The following ZNF275 variants were observed in gnomAD, a reference collection of about 807,000 sequenced individuals.
ZNF275 encodes the protein zinc finger protein 275.
ZNF275 carries 4 observed loss-of-function variants against 4.3 expected under a neutral mutation model. The observed-to-expected ratio is 0.93, with a 90% CI of 0.46 to 2.13. ZNF275 has a LOEUF of 2.13. Among genes scored for constraint, ZNF275 ranks in the 30% most tolerant of loss-of-function variants. ZNF275 has a pLI of 0.02. For synonymous variants in ZNF275, 173 were observed against 166.9 expected (o/e 1.04, Z -0.28); for missense variants, 352 against 397.1 (o/e 0.89, Z 0.97).
rs2088529532 is a variant in ZNF275, at chrX:153,347,756, C to T, written c.1071C>T (p.Ala357=). ...ACGCATGCGGCGAGTGTGGCAAGGC[C>T]TTCCGTGGGCCCTCTGACCTCATCA... ...RPYACGECGK[A]FRGPSDLIKH... Residue 357 remains alanine (A), a synonymous_variant, in exon 4 of 4, where the codon GCC becomes GCT. Coordinates refer to ENST00000650114, the MANE Select transcript of ZNF275 (RefSeq NM_001367757.1). The T allele has an allele frequency of 8.3e-7, 1 of 1,208,784 alleles. No homozygotes were observed. The highest frequency in any genetic ancestry group is 1.7e-5 in the African/African-American group (1 of 57,941).
intron 2 of ZNF275, among the ~76,000 whole-genome samples, chrX:153,341,594 A>G (rs1197745428): frequency 1.8e-5 from 2 of 112,052 alleles, no homozygotes; most frequent in Non-Finnish European, 3.8e-5. Context: ...CTTCAACCCG[A>G]AAGATTTCCT....
chrX:153,347,146 C>T lies in ZNF275; in HGVS notation c.461C>T (p.Ala154Val), dbSNP rs368798771. The T allele has an allele frequency of 1.9e-5, 23 of 1,207,825 alleles. No individual in the cohort carries two copies. Among genetic ancestry groups the T allele is most frequent in the Non-Finnish European group, 2.3e-5 (21 of 894,139 alleles). The stretch of plus-strand genomic sequence containing the variant: ...GAGCACAGGAAAAGCCACGTAGCTG[C>T]GGAGCCCCAGCCCGGCCCCAGTAGG... ...FNEHRKSHVAAEPQPGPSRAL... is the reference protein window; with the variant it reads ...FNEHRKSHVAVEPQPGPSRAL... The change falls in exon 4 of 4, where the codon GCG becomes GTG. Residue 154 changes from alanine (A) to valine (V), a missense_variant. Coordinates refer to ENST00000650114, the MANE Select transcript of ZNF275 (RefSeq NM_001367757.1).
Position 153,345,514 on chromosome X carries a change from G to A in ZNF275, c.32-6G>A. On this transcript the variant is annotated splice_region_variant and splice_polypyrimidine_tract_variant and intron_variant, in intron 2 of 3. Transcript: ENST00000650114. ...TGCCATAACCAATCTCCTTTCCCAT[G>A]AGCAGGCGTTCCTGTTTTAAATCCT... 1.1e-5 allele frequency: 13 copies of A among 1,200,641 alleles called. No individual in the cohort carries two copies. Among genetic ancestry groups the A allele is most frequent in the Non-Finnish European group, 1.5e-5 (13 of 885,621 alleles).
chrX:153,342,470 G>T (rs782160044), intron 2 of ZNF275, among the ~76,000 whole-genome samples: 95 of 112,176 alleles, frequency 8.5e-4, no homozygotes, highest in African/African-American at 2.9e-3. Flanking sequence ...CTGATTGGAT[G>T]TTGGGTATTA....
chrX:153,338,085 G>A (rs373454976), intron 2 of ZNF275, among the ~76,000 whole-genome samples: 19 of 111,420 alleles, frequency 1.7e-4, no homozygotes, highest in African/African-American at 4.6e-4. Flanking sequence ...GGACACCTGC[G>A]TTTGTCACTT....
chrX:153,348,134 C>T lies in ZNF275; in HGVS notation c.*159C>T, dbSNP rs1338405723. The T allele has an allele frequency of 9.3e-6, 4 of 431,318 alleles. No individual in the cohort carries two copies. The highest frequency in any genetic ancestry group is 1.4e-5 in the Non-Finnish European group (4 of 286,413). The allele number at this position is 431,318 out of a possible 1,213,427, so 35.5% of individuals were successfully genotyped here. The stretch of plus-strand genomic sequence containing the variant: ...CAATTTATAAGTGTTACGTTATGCC[C>T]ATCAAGAGTAGCTTGTACCATTTAA... On this transcript the variant is annotated 3_prime_UTR_variant, in exon 4 of 4. Transcript: ENST00000650114.
chrX:153,346,424 A>G (rs1249688771), intron 3 of ZNF275, among the ~76,000 whole-genome samples: 17 of 84,278 alleles, frequency 2.0e-4, no homozygotes, highest in Non-Finnish European at 2.9e-4. Context: ...GAGCTTTTGG[A>G]GTTCTAGTTA....
chrX:153,345,324 C>T (rs1032261695), intron 2 of ZNF275, 196 bp from the exon 3 acceptor site: 3 of 346,750 alleles, frequency 8.7e-6, no homozygotes, highest in Non-Finnish European at 1.5e-5. Flanking sequence ...CAAGGTGGGC[C>T]CAGAGGCTGC....
intron 2 of ZNF275, among the ~76,000 whole-genome samples, chrX:153,339,544 G>A (rs1556960884): frequency 9.0e-6 from 1 of 110,766 alleles, no homozygotes; most frequent in East Asian, 2.8e-4. Flanking sequence ...GCTGGGCATG[G>A]TGGCACGCAG....
intron 2 of ZNF275, among the ~76,000 whole-genome samples, chrX:153,341,221 G>A (rs2088478573): frequency 8.9e-6 from 1 of 112,249 alleles, no homozygotes; most frequent in Admixed American, 9.4e-5. Context: ...TATCCACGTG[G>A]TTGGGTTTAA....
chrX:153,351,786 G>A lies in ZNF275; in HGVS notation c.*3811G>A, dbSNP rs1443573058. 10 of 111,680 alleles carry A rather than the reference G, an allele frequency of 9.0e-5. No homozygotes were observed. The highest frequency in any genetic ancestry group is 1.5e-4 in the Non-Finnish European group (8 of 53,154). The allele number at this position is 111,680 out of a possible 1,213,427, so 9.2% of individuals were successfully genotyped here. A position where few individuals can be genotyped will look rare whatever the true frequency, so the allele number is the denominator to read the frequency against. On this transcript the variant is annotated 3_prime_UTR_variant, in exon 4 of 4. Coordinates refer to ENST00000650114, the MANE Select transcript of ZNF275 (RefSeq NM_001367757.1). Reference sequence around the variant, plus strand: ...AGAATAGTCCCTACCCAATTGCAGCGGGCATGTTTTTGAGTGGTGTTGCAT... The same window carrying A: ...AGAATAGTCCCTACCCAATTGCAGCAGGCATGTTTTTGAGTGGTGTTGCAT...
chrX:153,342,235 C>A (rs1556961099), intron 2 of ZNF275, among the ~76,000 whole-genome samples: 2 of 112,212 alleles, frequency 1.8e-5, no homozygotes, highest in Non-Finnish European at 3.8e-5. Context: ...GTAAAATTTT[C>A]ACTTTAAATA....
At chrX:153,338,357 C>A (rs868921284) in intron 2 of ZNF275, among the ~76,000 whole-genome samples, 2 of 111,018 alleles carry the variant, frequency 1.8e-5, no homozygotes, top group African/African-American at 6.6e-5. Context: ...TCTTTCCTCC[C>A]ATTTTTATGA....
intron 2 of ZNF275, among the ~76,000 whole-genome samples, chrX:153,342,923 T>C: frequency 8.9e-6 from 1 of 112,915 alleles, no homozygotes; most frequent in Middle Eastern, 4.6e-3. Context: ...CTCTGAATGC[T>C]GGCCTGTGTC....
chrX:153,346,771 C>A, intron 3 of ZNF275, 48 bp from the exon 4 acceptor site: 1 of 1,098,345 alleles, frequency 9.1e-7, no homozygotes, highest in Non-Finnish European at 1.2e-6. Flanking sequence ...GAGGCCCTTC[C>A]CTCCTTCATC....
chrX:153,346,577 G>C (rs1251584589), intron 3 of ZNF275, among the ~76,000 whole-genome samples: 1 of 112,469 alleles, frequency 8.9e-6, no homozygotes, highest in Non-Finnish European at 1.9e-5. Flanking sequence ...CTGAGCCTTT[G>C]GGGACGTGTG....
chrX:153,337,320 G>A (rs1005388285), intron 2 of ZNF275, among the ~76,000 whole-genome samples: 10 of 111,898 alleles, frequency 8.9e-5, no homozygotes, highest in East Asian at 8.4e-4. Context: ...AGAAGCTACC[G>A]TTAGCCAGTA....
At chrX:153,334,871 T>TGGGGGGGGGG (rs34010706) in intron 1 of ZNF275, among the ~76,000 whole-genome samples, 7 of 55,095 alleles carry the variant, frequency 1.3e-4, no homozygotes, top group Non-Finnish European at 1.8e-4. Flanking sequence ...TGGGTGGGAG[T>TGGGGGGGGGG]GGGGGGGGGC....
In ZNF275 at chrX:153,337,242, G is replaced by A. The variant is rs782207216; in HGVS notation, c.31+532G>A. Reference sequence around the variant, plus strand: ...TTTCCCCTGCCCAGGGAAGGACAGCGCACCTGTTAGAGAATGTTGCTTGGC... The same window carrying A: ...TTTCCCCTGCCCAGGGAAGGACAGCACACCTGTTAGAGAATGTTGCTTGGC... On this transcript the variant is annotated intron_variant, in intron 2 of 3. Coordinates refer to ENST00000650114, the MANE Select transcript of ZNF275 (RefSeq NM_001367757.1). 3.5e-3 allele frequency among the ~76,000 whole-genome samples: 391 copies of A among 111,637 alleles called. 1 individual carries two copies. The highest frequency in any genetic ancestry group is 0.011 in the African/African-American group (345 of 30,644).
Sources: gnomAD v4.1 joint callset for allele counts (sites outside exome capture counted in the v4.1 genomes callset) on GRCh38, gnomAD v4.1.1 for gene constraint, MANE v1.5 for transcripts, NCBI Gene and HGNC (gene_info 2026-07-23, HGNC 2026-07-21) for gene names.